Variants in ZNF713 observed in about 807,000 individuals in gnomAD.
The protein encoded by ZNF713 is zinc finger protein 713.
Under a neutral mutation model 28.7 loss-of-function variants are expected in ZNF713, and 21 were observed. The ratio of observed to expected loss-of-function variants is 0.73; its 90% CI spans 0.52 to 1.05. ZNF713 has a LOEUF of 1.05. Ranked by LOEUF, ZNF713 falls within the 50% of genes least tolerant of loss-of-function variation. The pLI is 0.00. For missense variants in ZNF713, 458 were observed against 532.4 expected (o/e 0.86, Z 1.37); for synonymous variants, 167 against 178.0 (o/e 0.94, Z 0.49).
chr7:55,930,311 G>A lies in ZNF713; in HGVS notation c.307+6612G>A, dbSNP rs146513700. Among the ~76,000 whole-genome samples, 147 of 152,216 alleles carry A rather than the reference G, an allele frequency of 9.7e-4. 1 individual carries two copies. The Middle Eastern group carries it at 0.01, about 11-fold the overall frequency. On this transcript the variant is annotated intron_variant, in intron 6 of 6. Coordinates refer to ENST00000429591, the MANE Select transcript of ZNF713 (RefSeq NM_182633.3). ...GTTGAAAAGTTTGGCAGTATACACC[G>A]CTGGGTCCATGAGGAGGAAAGCATT...
At chr7:55,931,551 C>A (rs977199205) in intron 6 of ZNF713, among the ~76,000 whole-genome samples, 7 of 150,812 alleles carry the variant, frequency 4.6e-5, no homozygotes, top group African/African-American at 1.7e-4. Context: ...CTCCCTAATT[C>A]TCTCCCTCCT....
intron 1 of ZNF713, among the ~76,000 whole-genome samples, chr7:55,901,060 TATG>T (rs2116186383): frequency 6.6e-6 from 1 of 152,356 alleles, no homozygotes; most frequent in South Asian, 2.1e-4. Context: ...AGGTGACAGA[TATG>T]ATAATTGGCT....
rs2116284090 is a variant in ZNF713 at position 55,941,681 on chromosome 7, A to G, written c.*1675A>G. 6.6e-6 allele frequency: 1 copy of G among 152,242 alleles called. No individual in the cohort carries two copies. The highest frequency in any genetic ancestry group is 1.9e-4 in the East Asian group (1 of 5,186). 9.4% of individuals were successfully genotyped at this position (152,242 alleles called of 1,614,324 possible). A position where few individuals can be genotyped will look rare whatever the true frequency, so the allele number is the denominator to read the frequency against. ...CTATTTAGCATATAAAATAAGTTAT[A>G]TGCTAGTTTTATATGCTAATTAAAT... On this transcript the variant is annotated 3_prime_UTR_variant, in exon 7 of 7. Coordinates refer to ENST00000429591, the MANE Select transcript of ZNF713 (RefSeq NM_182633.3).
intron 4 of ZNF713, among the ~76,000 whole-genome samples, chr7:55,914,327 G>C (rs1036639287): frequency 6.6e-6 from 1 of 151,956 alleles, no homozygotes; most frequent in Admixed American, 6.6e-5. Flanking sequence ...TCCTTATGTA[G>C]CCAATAAACT....
In ZNF713 at chr7:55,939,817, G is replaced by A. The variant is rs775270150; in HGVS notation, c.1143G>A (p.Gln381=). 14 of 1,614,054 alleles carry A rather than the reference G, an allele frequency of 8.7e-6. No homozygotes were observed. The African/African-American group carries it at 1.3e-4, about 15-fold the overall frequency. The change falls in exon 7 of 7, where the codon CAG becomes CAA. Residue 381 remains glutamine (Q), a synonymous_variant. Transcript: ENST00000429591. The part of the protein sequence containing the change: ...ECGFCGKAFS[Q]RTHLNQHERT... Reference sequence around the variant, plus strand: ...GTTTCTGTGGCAAAGCCTTCAGTCAGAGGACACATCTGAATCAACATGAAA... The same window carrying A: ...GTTTCTGTGGCAAAGCCTTCAGTCAAAGGACACATCTGAATCAACATGAAA...
At chr7:55,889,103 A>ATTT (rs34452146) in intron 1 of ZNF713, among the ~76,000 whole-genome samples, 120 of 144,116 alleles carry the variant, frequency 8.3e-4, no homozygotes, top group African/African-American at 2.9e-3. Flanking sequence ...TCATATAATG[A>ATTT]TTTTTTTTTT....
At chr7:55,931,068 G>A (rs1391978561) in intron 6 of ZNF713, among the ~76,000 whole-genome samples, 2 of 152,084 alleles carry the variant, frequency 1.3e-5, no homozygotes, top group African/African-American at 4.8e-5. Flanking sequence ...GGTGGATCAC[G>A]TGAGGTCAGG....
rs1786411087 is a variant in ZNF713 at position 55,939,066 on chromosome 7, A to G, written c.392A>G (p.Glu131Gly). The part of the protein sequence containing the change: ...DENQTHEMIM[E>G]RLAGDSFWYS... ...AATCAAACCCATGAGATGATAATGG[A>G]GAGACTCGCAGGAGACAGCTTCTGG... The change falls in exon 7 of 7, where the codon GAG becomes GGG. Residue 131 changes from glutamate to glycine, a missense_variant. By Grantham distance (98) the Glu-to-Gly change is moderately conservative. Coordinates refer to ENST00000429591, the MANE Select transcript of ZNF713 (RefSeq NM_182633.3). 2 of 1,613,814 alleles carry G rather than the reference A, an allele frequency of 1.2e-6. No homozygotes were observed. The highest frequency in any genetic ancestry group is 2.2e-5 in the East Asian group (1 of 44,890).
intron 4 of ZNF713, among the ~76,000 whole-genome samples, chr7:55,919,319 A>G (rs1356946723): frequency 6.6e-6 from 1 of 152,150 alleles, no homozygotes; most frequent in Non-Finnish European, 1.5e-5. Context: ...ATCCAGGGCA[A>G]TGCCTCAGAG....
rs961551366 is a variant in ZNF713 at position 55,938,873 on chromosome 7, A to C, written c.308-109A>C. ...TTTCAATGCCGTGTATGCCTTGTAC[A>C]CATTACTGTCAGTTTTATTTGGTAA... On this transcript the variant is annotated intron_variant, in intron 6 of 6. Coordinates refer to ENST00000429591, the MANE Select transcript of ZNF713 (RefSeq NM_182633.3). 2.3e-5 allele frequency: 27 copies of C among 1,159,232 alleles called. No individual in the cohort carries two copies. In the Admixed American group the frequency reaches 4.2e-4, roughly 18 times the overall value. The allele number at this position is 1,159,232 out of a possible 1,614,324, so 71.8% of individuals were successfully genotyped here.
At chr7:55,908,611 TGTTGA>T (rs1402820693) in intron 2 of ZNF713, among the ~76,000 whole-genome samples, 1 of 151,806 alleles carries the variant, frequency 6.6e-6, no homozygotes, top group Non-Finnish European at 1.5e-5. Context: ...TTTTTTTTCT[TGTTGA>T]GTTCCTTGTA....
intron 3 of ZNF713, 75 bp from the exon 4 acceptor site, chr7:55,912,560 A>T: frequency 1.8e-6 from 2 of 1,108,704 alleles, no homozygotes; most frequent in South Asian, 1.4e-5. Context: ...TGCCATACCT[A>T]CACAAAGCAG....
intron 6 of ZNF713, 123 bp downstream of exon 6, chr7:55,923,822 A>G (rs1187700604): frequency 4.9e-6 from 3 of 617,438 alleles, no homozygotes; most frequent in Non-Finnish European, 8.3e-6. Flanking sequence ...TTTGAAAAAA[A>G]TCAGTTCATA....
intron 4 of ZNF713, among the ~76,000 whole-genome samples, chr7:55,914,329 CAA>C (rs1785841097): frequency 6.6e-6 from 1 of 151,958 alleles, no homozygotes; most frequent in Non-Finnish European, 1.5e-5. Context: ...CTTATGTAGC[CAA>C]TAAACTCATT....
intron 4 of ZNF713, 36 bp downstream of exon 4, chr7:55,912,759 G>A (rs540034861): frequency 1.3e-6 from 2 of 1,557,452 alleles, no homozygotes; most frequent in East Asian, 4.5e-5. Flanking sequence ...AAATGCCAGT[G>A]TTCTCAGAAT....
At chr7:55,914,988 G>C (rs1334379106) in intron 4 of ZNF713, among the ~76,000 whole-genome samples, 5 of 152,178 alleles carry the variant, frequency 3.3e-5, no homozygotes, top group African/African-American at 9.7e-5. Context: ...CCAAGTAGCT[G>C]GGACTACAGG....
At chr7:55,917,751 A>G (rs944712599) in intron 4 of ZNF713, among the ~76,000 whole-genome samples, 1 of 152,160 alleles carries the variant, frequency 6.6e-6, no homozygotes, top group Non-Finnish European at 1.5e-5. Flanking sequence ...CACAGCAAAT[A>G]AAGTTCAAAT....
rs572854297 is a variant in ZNF713, at chr7:55,933,527, C to A, written c.308-5455C>A. ...GGCCAGGCTGATCTCGAACTCCTGA[C>A]CTCAGGTGATCCACCCAACTCGGCC... On this transcript the variant is annotated intron_variant, in intron 6 of 6. Transcript: ENST00000429591. Among the ~76,000 whole-genome samples, 142 of 152,056 alleles carry A rather than the reference C, an allele frequency of 9.3e-4. 1 individual carries two copies. In the Middle Eastern group the frequency reaches 0.01, roughly 11 times the overall value.
At chr7:55,901,091 A>C (rs1785567645) in intron 1 of ZNF713, among the ~76,000 whole-genome samples, 2 of 152,364 alleles carry the variant, frequency 1.3e-5, no homozygotes, top group Admixed American at 1.3e-4. Flanking sequence ...AATGTGTATT[A>C]GTCTGTTTTC....
Sources: gnomAD v4.1 joint callset for allele counts (sites outside exome capture counted in the v4.1 genomes callset) on GRCh38, gnomAD v4.1.1 for gene constraint, MANE v1.5 for transcripts, NCBI Gene and HGNC (gene_info 2026-07-23, HGNC 2026-07-21) for gene names.